GRAMD1B: variants seen among roughly 807,000 people sequenced by gnomAD.
GRAMD1B encodes protein Aster-B.
A neutral mutation model predicts 99.7 loss-of-function variants in GRAMD1B; 37 were observed. That is an observed-to-expected ratio of 0.37 (90% confidence interval 0.29 to 0.49). GRAMD1B has a LOEUF of 0.49. Among genes scored for constraint, GRAMD1B ranks in the 20% least tolerant of loss-of-function variants. The pLI is 0.98. For synonymous variants in GRAMD1B, 427 were observed against 387.6 expected, an observed-to-expected ratio of 1.10 and a Z score of -1.19; for missense variants, 888 against 1,009.2, an observed-to-expected ratio of 0.88 and a Z score of 1.63.
intron 1 of GRAMD1B, among the ~76,000 whole-genome samples, chr11:123,375,544 G>A (rs990371560): frequency 6.6e-6 from 1 of 152,196 alleles, no homozygotes; most frequent in Non-Finnish European, 1.5e-5. Context: ...ATGGCTTTAA[G>A]TGTTATTGGC....
At chr11:123,605,637 G>A (rs534163315) in intron 10 of GRAMD1B, among the ~76,000 whole-genome samples, 159 bp downstream of exon 10, 1 of 152,300 alleles carries the variant, frequency 6.6e-6, no homozygotes, top group South Asian at 2.1e-4. Flanking sequence ...TGGGCTCTCC[G>A]TATTCTAGTG....
chr11:123,514,674 C>T (rs185031407), intron 2 of GRAMD1B, among the ~76,000 whole-genome samples: 7 of 152,262 alleles, frequency 4.6e-5, no homozygotes, highest in African/African-American at 1.2e-4. Flanking sequence ...GGAGCTGAAG[C>T]GCTGTGAAAG....
intron 3 of GRAMD1B, among the ~76,000 whole-genome samples, chr11:123,582,893 A>T (rs1006498368): frequency 5.3e-5 from 8 of 152,102 alleles, no homozygotes; most frequent in Admixed American, 2.0e-4. Flanking sequence ...CTCTGGGTGG[A>T]GCTAAGGTAT....
chr11:123,604,071 T>A (rs928403583), intron 9 of GRAMD1B, among the ~76,000 whole-genome samples: 2 of 152,198 alleles, frequency 1.3e-5, no homozygotes, highest in Non-Finnish European at 1.5e-5. Flanking sequence ...TGGACAGTAC[T>A]GTAGGCAAAG....
intron 1 of GRAMD1B, among the ~76,000 whole-genome samples, chr11:123,378,575 C>A (rs1311567479): frequency 6.6e-6 from 1 of 152,154 alleles, no homozygotes; most frequent in South Asian, 2.1e-4. Context: ...AGGAGAAATT[C>A]TTTGATTACT....
chr11:123,589,977 TC>T lies in GRAMD1B; in HGVS notation c.685-4101del, dbSNP rs1313221378. ...TGACTTTTCCTGGGAATCCACATCT[TC>T]CCCACCCCACTGCTGTCTCATCCCT... On this transcript the variant is annotated intron_variant, in intron 4 of 19. Coordinates refer to ENST00000635736, the MANE Select transcript of GRAMD1B (RefSeq NM_001387025.1). Among the ~76,000 whole-genome samples the T allele has an allele frequency of 5.3e-5, 8 of 152,218 alleles. No individual in the cohort carries two copies. The East Asian group carries it at 1.5e-3, about 29-fold the overall frequency.
intron 1 of GRAMD1B, among the ~76,000 whole-genome samples, chr11:123,361,023 G>A (rs1043069829): frequency 1.3e-5 from 2 of 151,926 alleles, no homozygotes; most frequent in African/African-American, 4.8e-5. Flanking sequence ...TCACCATGTT[G>A]GCCAGGCTGG....
At chr11:123,373,652 C>G (rs1946603284) in intron 1 of GRAMD1B, among the ~76,000 whole-genome samples, 1 of 152,234 alleles carries the variant, frequency 6.6e-6, no homozygotes, top group African/African-American at 2.4e-5. Flanking sequence ...GTCTTACATA[C>G]TTAGGTGGGA....
chr11:123,493,312 C>G (rs527628726), intron 2 of GRAMD1B, among the ~76,000 whole-genome samples: 5 of 152,272 alleles, frequency 3.3e-5, no homozygotes, highest in Non-Finnish European at 5.9e-5. Context: ...AAGAAAGGCA[C>G]TTAGCACTGT....
intron 1 of GRAMD1B, among the ~76,000 whole-genome samples, chr11:123,364,844 A>C (rs996820267): frequency 2.4e-5 from 2 of 81,758 alleles, no homozygotes; most frequent in Non-Finnish European, 4.5e-5. Flanking sequence ...CAGTTTTTCA[A>C]AAAAAAAATT....
chr11:123,515,649 T>C (rs1490181082), intron 2 of GRAMD1B, among the ~76,000 whole-genome samples: 1 of 152,208 alleles, frequency 6.6e-6, no homozygotes, highest in Non-Finnish European at 1.5e-5. Context: ...TTACCAGTTA[T>C]TTATTTTACC....
chr11:123,479,188 C>T (rs889725360), intron 1 of GRAMD1B, among the ~76,000 whole-genome samples: 5 of 152,190 alleles, frequency 3.3e-5, no homozygotes, highest in Non-Finnish European at 4.4e-5. Context: ...TTGTGTATGG[C>T]GCTGTTCCGG....
chr11:123,481,349 G>A (rs562050775), intron 2 of GRAMD1B, among the ~76,000 whole-genome samples: 5 of 152,122 alleles, frequency 3.3e-5, no homozygotes, highest in South Asian at 2.1e-4. Flanking sequence ...CAGCTACTCC[G>A]AGGCTGAGGC....
chr11:123,621,601 C>T (rs571593533), intron 19 of GRAMD1B, among the ~76,000 whole-genome samples: 36 of 152,318 alleles, frequency 2.4e-4, no homozygotes, highest in African/African-American at 8.7e-4. Flanking sequence ...TGGATTTGTT[C>T]TGAGCCTTAG....
In GRAMD1B at chr11:123,510,948, G is replaced by A. The variant is rs1293351639; in HGVS notation, c.452+30055G>A. Among the ~76,000 whole-genome samples, 1 of 152,106 alleles carries A rather than the reference G, an allele frequency of 6.6e-6. No individual in the cohort carries two copies. The highest frequency in any genetic ancestry group is 2.1e-4 in the South Asian group (1 of 4,822). ...CGGAGTGGGTGGATGAGGGGTGCAG[G>A]GTGGGGGGTGGAGGTATCTGTAGCT... On this transcript the variant is annotated intron_variant, in intron 2 of 19. Coordinates refer to ENST00000635736, the MANE Select transcript of GRAMD1B (RefSeq NM_001387025.1). The surrounding 1 kb of genome is among the most constrained non-coding windows in gnomAD (Gnocchi z 4.3).
In GRAMD1B at chr11:123,622,589, T is replaced by A; in HGVS notation, c.2628T>A (p.Tyr876Ter). 6.5e-7 allele frequency: 1 copy of A among 1,543,682 alleles called. No individual in the cohort carries two copies. Among genetic ancestry groups the A allele is most frequent in the Admixed American group, 1.9e-5 (1 of 51,406 alleles). Residue 876 changes from tyrosine to a stop codon, truncating the protein, a stop_gained, in exon 20 of 20, where the codon TAT becomes TAA. Coordinates refer to ENST00000635736, the MANE Select transcript of GRAMD1B (RefSeq NM_001387025.1). LOFTEE classifies it high-confidence loss of function. The part of the protein sequence containing the change: ...TSESEEKRNR[Y>*]H ...AAAGTGAAGAAAAGAGGAATCGCTA[T>A]CATTGACAAGGCAGGAACAGGGTGG... is the stretch of plus-strand genomic sequence containing the variant.
intron 2 of GRAMD1B, among the ~76,000 whole-genome samples, chr11:123,539,245 C>A (rs1944269755): frequency 6.6e-6 from 1 of 151,764 alleles, no homozygotes; most frequent in Non-Finnish European, 1.5e-5. Context: ...CAAAAAACTC[C>A]AAACAATTGG....
At chr11:123,585,619 T>C (rs1411494392) in intron 4 of GRAMD1B, among the ~76,000 whole-genome samples, 2 of 152,188 alleles carry the variant, frequency 1.3e-5, no homozygotes, top group East Asian at 3.9e-4. Context: ...TCCTGGCCTG[T>C]GGCGTCAGAA....
chr11:123,475,156 C>T (rs971720737), intron 1 of GRAMD1B, among the ~76,000 whole-genome samples: 1 of 152,138 alleles, frequency 6.6e-6, no homozygotes, highest in Non-Finnish European at 1.5e-5. Context: ...ACTTTCTGCA[C>T]GTGTCCTGGG....
Sources: gnomAD v4.1 joint callset for allele counts (sites outside exome capture counted in the v4.1 genomes callset) on GRCh38, gnomAD v4.1.1 for gene constraint, Gnocchi (gnomAD v3.1) non-coding constraint, MANE v1.5 for transcripts, NCBI Gene and HGNC (gene_info 2026-07-23, HGNC 2026-07-21) for gene names.